The following AFDN variants were observed in gnomAD, a reference collection of about 807,000 sequenced individuals.
AFDN encodes the protein afadin.
AFDN carries 68 observed loss-of-function variants against 216.6 expected under a neutral mutation model. The observed-to-expected ratio is 0.31, with a 90% CI of 0.26 to 0.38. The LOEUF is 0.38. AFDN is among the 10% of genes least tolerant of loss of function. The pLI is 1.00. For synonymous variants in AFDN, 868 were observed against 853.7 expected (o/e 1.02, Z -0.29); for missense variants, 2,136 against 2,342.0 (o/e 0.91, Z 1.82).
intron 1 of AFDN, among the ~76,000 whole-genome samples, chr6:167,857,019 A>C (rs1022039245): frequency 2.0e-5 from 3 of 152,160 alleles, no homozygotes; most frequent in Admixed American, 2.0e-4. Flanking sequence ...CACAGTAAAA[A>C]GTTTAAAAGC....
At chr6:167,873,046 G>T (rs1274544305) in intron 4 of AFDN, among the ~76,000 whole-genome samples, 1 of 152,172 alleles carries the variant, frequency 6.6e-6, no homozygotes, top group African/African-American at 2.4e-5. Context: ...TTTAGTTAGT[G>T]CATTTGGTTA....
In AFDN at chr6:167,913,420, C is replaced by T. The variant is rs1033503803; in HGVS notation, c.2055C>T (p.Asp685=). ...TTCTCCAGGAAGTAGACCAGGTTGA[C>T]CAGGTAGGACATCTGCTGGGAGCTG... ...EGVIQEVDQV[D]QKQKNIAGAL... The change falls in exon 16 of 34, where the codon GAC becomes GAT. Residue 685 remains aspartate, a synonymous_variant. Transcript: ENST00000683244. 9.1e-6 allele frequency: 14 copies of T among 1,535,724 alleles called. No individual in the cohort carries two copies. The African/African-American group carries it at 1.4e-4, about 15-fold the overall frequency.
chr6:167,839,716 T>G (rs1780842534), intron 1 of AFDN, among the ~76,000 whole-genome samples: 1 of 152,246 alleles, frequency 6.6e-6, no homozygotes, highest in Non-Finnish European at 1.5e-5. Context: ...TATGTAAGTT[T>G]TGCTGAGCAT....
In AFDN at chr6:167,962,654, G is replaced by GT. The variant is rs1797159581; in HGVS notation, c.4968+88dup. 1 of 1,594,978 alleles carries GT rather than the reference G, an allele frequency of 6.3e-7. No homozygotes were observed. The highest frequency in any genetic ancestry group is 1.7e-5 in the Admixed American group (1 of 59,156). On this transcript the variant is annotated intron_variant, in intron 31 of 33. Coordinates refer to ENST00000683244, the MANE Select transcript of AFDN (RefSeq NM_001386888.1). This position sits in a 1 kb window ranked among gnomAD's most constrained non-coding sequence, Gnocchi z 5.2. ...TGGGGCAGAGCGGGCTGGAAGTTCT[G>GT]TGTTTCTTAAGAAGCACGAGGCAGA...
intron 27 of AFDN, among the ~76,000 whole-genome samples, chr6:167,947,224 GAGTGC>G (rs1237351561): frequency 5.3e-5 from 8 of 151,444 alleles, no homozygotes; most frequent in East Asian, 3.9e-4. Context: ...GCCCAGGCTG[GAGTGC>G]AGTGCAGTGG....
At chr6:167,963,347 A>G in intron 31 of AFDN, 1 of 1,060,250 alleles carries the variant, frequency 9.4e-7, no homozygotes, top group Non-Finnish European at 1.1e-6. Context: ...GTTTGAGAGA[A>G]GCTGCTCTTC....
chr6:167,915,225 A>G lies in AFDN; in HGVS notation c.2357A>G (p.Asn786Ser). 5 of 1,614,222 alleles carry G rather than the reference A, an allele frequency of 3.1e-6. No homozygotes were observed. The highest frequency in any genetic ancestry group is 4.2e-6 in the Non-Finnish European group (5 of 1,180,036). The change falls in exon 19 of 34, where the codon AAT (asparagine) becomes AGT (serine). Residue 786 changes from asparagine (N) to serine (S), a missense_variant. By Grantham distance (46) the Asn-to-Ser change is conservative. This residue lies in a region of AFDN where 817 missense variants were observed against 965.7 expected (regional missense o/e 0.85). Transcript: ENST00000683244. The part of the protein sequence containing the change: ...AMSLLRRCRV[N>S]AALTIQLFSQ... ...TCCTTGCTACGACGCTGCAGAGTCA[A>G]TGCCGCCCTGACCATCCAGCTCTTC...
chr6:167,865,012 A>C (rs557391102), intron 2 of AFDN: 8 of 547,398 alleles, frequency 1.5e-5, no homozygotes, highest in African/African-American at 9.3e-5. Context: ...AAGTAACGTT[A>C]CATTTATCCA....
At chr6:167,841,434 G>A (rs1781061121) in intron 1 of AFDN, among the ~76,000 whole-genome samples, 1 of 152,036 alleles carries the variant, frequency 6.6e-6, no homozygotes, top group African/African-American at 2.4e-5. Flanking sequence ...CTTGTGGGCT[G>A]GGGAAGGGGA....
chr6:167,871,387 C>T (rs1466680842), intron 3 of AFDN, among the ~76,000 whole-genome samples: 2 of 152,170 alleles, frequency 1.3e-5, no homozygotes, highest in Non-Finnish European at 2.9e-5. Context: ...GTATATTTTG[C>T]TATGGACCAC....
At chr6:167,920,227 C>T (rs1288172695) in intron 21 of AFDN, among the ~76,000 whole-genome samples, 1 of 152,060 alleles carries the variant, frequency 6.6e-6, no homozygotes, top group Non-Finnish European at 1.5e-5. Context: ...AGAGGTGCAC[C>T]TGTGACGAGG....
intron 8 of AFDN, among the ~76,000 whole-genome samples, chr6:167,891,421 G>GTGTGTGTGTA (rs1562619828): frequency 6.6e-6 from 1 of 150,484 alleles, no homozygotes; most frequent in East Asian, 1.9e-4. Context: ...GTGTGTGTGT[G>GTGTGTGTGTA]TGTGTGTGTG....
chr6:167,881,236 TTA>T (rs748539160), intron 6 of AFDN, among the ~76,000 whole-genome samples: 28 of 152,322 alleles, frequency 1.8e-4, no homozygotes, highest in Non-Finnish European at 3.7e-4. Flanking sequence ...TTTATAACTT[TTA>T]TGTTTTTGCT....
intron 12 of AFDN, among the ~76,000 whole-genome samples, 190 bp downstream of exon 12, chr6:167,902,576 G>A (rs1450136304): frequency 1.3e-5 from 2 of 152,132 alleles, no homozygotes; most frequent in Non-Finnish European, 2.9e-5. Flanking sequence ...ATATGTACCT[G>A]TGATAAAGTT....
chr6:167,893,518 G>T (rs746867300), intron 8 of AFDN, among the ~76,000 whole-genome samples: 15 of 152,080 alleles, frequency 9.9e-5, no homozygotes, highest in Non-Finnish European at 2.1e-4. Context: ...CTTTGCTTTG[G>T]ATTTGAATGT....
intron 1 of AFDN, among the ~76,000 whole-genome samples, chr6:167,841,563 C>T (rs1445235042): frequency 2.6e-5 from 4 of 152,010 alleles, no homozygotes; most frequent in African/African-American, 2.4e-5. Flanking sequence ...TACTAAACTT[C>T]GTCCTCCATG....
chr6:167,890,438 G>T (rs1459875442), intron 7 of AFDN, among the ~76,000 whole-genome samples: 1 of 152,118 alleles, frequency 6.6e-6, no homozygotes, highest in Non-Finnish European at 1.5e-5. Context: ...AAATTTTTTC[G>T]TGGTGATTTC....
At chr6:167,954,323 T>C (rs1796288972) in intron 30 of AFDN, 1 of 567,512 alleles carries the variant, frequency 1.8e-6, no homozygotes, top group Non-Finnish European at 2.9e-6. Flanking sequence ...TTCTTTACCT[T>C]TCTCATCAAG....
rs554298757 is a variant in AFDN, at chr6:167,849,205, AG to A, written c.106-15344del. ...ATTAGCACAATGTTTAGCATAAGGC[AG>A]GCATTTATACTGTTGTTATTTGTAG... On this transcript the variant is annotated intron_variant, in intron 1 of 33. Coordinates refer to ENST00000683244, the MANE Select transcript of AFDN (RefSeq NM_001386888.1). Among the ~76,000 whole-genome samples the A allele has an allele frequency of 2.1e-3, 325 of 152,312 alleles. 4 individuals carry two copies. The highest frequency in any genetic ancestry group is 6.9e-3 in the African/African-American group (286 of 41,562).
Sources: allele counts gnomAD v4.1 joint callset (sites outside exome capture counted in the v4.1 genomes callset), GRCh38; gene constraint gnomAD v4.1.1; regional missense constraint gnomAD v4.1.1; non-coding constraint Gnocchi (gnomAD v3.1); transcripts MANE v1.5; gene names NCBI Gene and HGNC (gene_info 2026-07-23, HGNC 2026-07-21).